RAPGEF1: variants seen among roughly 807,000 people sequenced by gnomAD.
RAPGEF1 encodes CRK SH3-binding GNRP.
In RAPGEF1, 33 loss-of-function variants were observed where a neutral mutation model predicts 143.3. The ratio of observed to expected loss-of-function variants is 0.23; its 90% CI spans 0.17 to 0.31. The LOEUF (loss-of-function observed/expected upper bound fraction) is 0.31. Ranked by LOEUF, RAPGEF1 falls within the 10% of genes least tolerant of loss-of-function variation. RAPGEF1 has a pLI of 1.00. For synonymous variants in RAPGEF1, 629 were observed against 676.5 expected, an observed-to-expected ratio of 0.93 and a Z score of 1.09; for missense variants, 1,199 against 1,645.4, an observed-to-expected ratio of 0.73 and a Z score of 4.69.
intron 1 of RAPGEF1, among the ~76,000 whole-genome samples, chr9:131,657,585 G>A (rs528226933): frequency 4.0e-5 from 6 of 151,178 alleles, no homozygotes; most frequent in East Asian, 1.9e-4. Context: ...CGATGGAGGC[G>A]GCCGGTACCT....
chr9:131,640,712 C>T (rs968084129), intron 4 of RAPGEF1, among the ~76,000 whole-genome samples: 2 of 152,162 alleles, frequency 1.3e-5, no homozygotes, highest in Non-Finnish European at 2.9e-5. Flanking sequence ...TCTCAGGAAC[C>T]GAGGTGAGGG....
chr9:131,685,341 C>A (rs1451103433), intron 1 of RAPGEF1, among the ~76,000 whole-genome samples: 4 of 152,172 alleles, frequency 2.6e-5, no homozygotes, highest in Non-Finnish European at 2.9e-5. Context: ...ATAAACTGGC[C>A]CCAAAACTGG....
At position 131,579,445 on chromosome 9, in the gene RAPGEF1, G is replaced by T; in HGVS notation, c.*52C>A. The T allele has an allele frequency of 6.3e-7, 1 of 1,595,034 alleles. No individual in the cohort carries two copies. The highest frequency in any genetic ancestry group is 1.1e-5 in the South Asian group (1 of 88,784). On this transcript the variant is annotated 3_prime_UTR_variant, in exon 27 of 27. Coordinates refer to ENST00000683357, the MANE Select transcript of RAPGEF1 (RefSeq NM_001377935.1). ...CAGGTCCAAGGTCCTCTCCGGTCTG[G>T]GAGCTGCCCTCTGCGCCCCTCGAGC...
In RAPGEF1 at chr9:131,589,427, C is replaced by T. The variant is rs539734204; in HGVS notation, c.2868-441G>A. Among the ~76,000 whole-genome samples the T allele has an allele frequency of 2.0e-5, 3 of 152,352 alleles. No homozygotes were observed. In the South Asian group the frequency reaches 6.2e-4, roughly 32 times the overall value. ...ACAGCCACTTACCATGGTCATCTCCCCCAGCAGGAGGAAGGCAGTCCGCCT... is the reference window on the plus strand; with the variant it reads ...ACAGCCACTTACCATGGTCATCTCCTCCAGCAGGAGGAAGGCAGTCCGCCT... On this transcript the variant is annotated intron_variant, in intron 19 of 26. Transcript: ENST00000683357.
At chr9:131,693,730 A>T (rs895722702) in intron 1 of RAPGEF1, among the ~76,000 whole-genome samples, 7 of 152,078 alleles carry the variant, frequency 4.6e-5, no homozygotes, top group Non-Finnish European at 7.4e-5. Flanking sequence ...TCTTTTGACA[A>T]TACCTTTCCA....
At chr9:131,624,966 C>A (rs879682747) in intron 10 of RAPGEF1, among the ~76,000 whole-genome samples, 1 of 152,230 alleles carries the variant, frequency 6.6e-6, no homozygotes, top group African/African-American at 2.4e-5. Context: ...GCCCTCAGGG[C>A]GACCCTTGCT....
chr9:131,670,627 T>G (rs1457193257), intron 1 of RAPGEF1, among the ~76,000 whole-genome samples: 1 of 152,316 alleles, frequency 6.6e-6, no homozygotes, highest in East Asian at 1.9e-4. Flanking sequence ...CCGGCTGTGC[T>G]AGCACCTGGG....
At chr9:131,585,615 C>G (rs1220114578) in intron 22 of RAPGEF1, among the ~76,000 whole-genome samples, 1 of 152,224 alleles carries the variant, frequency 6.6e-6, no homozygotes, top group Non-Finnish European at 1.5e-5. Flanking sequence ...TTGGGCAAAA[C>G]CCTACGCTGG....
chr9:131,690,000 C>T (rs150881205), intron 1 of RAPGEF1, among the ~76,000 whole-genome samples: 239 of 152,112 alleles, frequency 1.6e-3, no homozygotes, highest in African/African-American at 5.4e-3. Context: ...TAAATACATG[C>T]GGGCCTTGTG....
intron 1 of RAPGEF1, among the ~76,000 whole-genome samples, chr9:131,664,576 T>C (rs868829780): frequency 1.3e-5 from 2 of 152,290 alleles, no homozygotes; most frequent in South Asian, 4.1e-4. Context: ...AACCCTGGTT[T>C]CTAACATCAT....
chr9:131,611,175 T>G (rs893259274), intron 12 of RAPGEF1, among the ~76,000 whole-genome samples: 1 of 152,254 alleles, frequency 6.6e-6, no homozygotes, highest in African/African-American at 2.4e-5. Flanking sequence ...GATCTGCCAC[T>G]GACCGTTTTG....
At position 131,626,158 on chromosome 9, in the gene RAPGEF1, G is replaced by A; in HGVS notation, c.1466C>T (p.Ser489Phe). ...RSAASQTADG[S>F]GCRVSYERHP... ...CCGCTCGTAGGACACCCTGCAGCCA[G>A]AGCCGTCCGCCGTCTGGGAGGCTGC... Residue 489 changes from serine to phenylalanine, a missense_variant, in exon 10 of 27, where the codon TCT becomes TTT. Ser to Phe is a radical substitution (Grantham distance 155). Around this residue, in one of 6 missense-constraint regions of RAPGEF1, gnomAD observed 613 missense variants for 710.9 expected, o/e 0.86. Transcript: ENST00000683357. 1 of 1,613,988 alleles carries A rather than the reference G, an allele frequency of 6.2e-7. No homozygotes were observed. The highest frequency in any genetic ancestry group is 1.1e-5 in the South Asian group (1 of 91,086).
At chr9:131,612,705 G>A (rs1442342066) in intron 12 of RAPGEF1, among the ~76,000 whole-genome samples, 1 of 152,234 alleles carries the variant, frequency 6.6e-6, no homozygotes, top group Admixed American at 6.5e-5. Flanking sequence ...GTCAAGCTGA[G>A]TGGGATCTAA....
In RAPGEF1 at chr9:131,650,850, G is replaced by A; in HGVS notation, c.161C>T (p.Ala54Val). 6.2e-7 allele frequency: 1 copy of A among 1,614,028 alleles called. No individual in the cohort carries two copies. The highest frequency in any genetic ancestry group is 1.1e-5 in the South Asian group (1 of 91,086). Residue 54 changes from alanine (A) to valine (V), a missense_variant, in exon 2 of 27, where the codon GCT (alanine) becomes GTT (valine). Coordinates refer to ENST00000683357, the MANE Select transcript of RAPGEF1 (RefSeq NM_001377935.1). The surrounding 1 kb of genome is among the most constrained non-coding windows in gnomAD (Gnocchi z 4.7). ...KRTPSKKGKP[A>V]EVSVKIPEKP... Reference sequence around the variant, plus strand: ...CTCTGGAATCTTTACGGACACCTCAGCTGGTTTTCCCTTCTTTGATGGCGT... The same window carrying A: ...CTCTGGAATCTTTACGGACACCTCAACTGGTTTTCCCTTCTTTGATGGCGT...
chr9:131,616,093 C>T (rs534425114), intron 12 of RAPGEF1, among the ~76,000 whole-genome samples: 2 of 152,168 alleles, frequency 1.3e-5, no homozygotes, highest in Admixed American at 1.3e-4. Context: ...GTGGTGAAAC[C>T]CCATCTCTAC....
intron 1 of RAPGEF1, among the ~76,000 whole-genome samples, chr9:131,728,058 T>C (rs1836790591): frequency 6.6e-6 from 1 of 152,062 alleles, no homozygotes; most frequent in South Asian, 2.1e-4. Context: ...CTAGCTGCAC[T>C]GACAAATTTG....
chr9:131,730,193 C>CAAAAAA (rs57402366), intron 1 of RAPGEF1, among the ~76,000 whole-genome samples: 11 of 66,976 alleles, frequency 1.6e-4, no homozygotes, highest in South Asian at 6.1e-4. Context: ...GACTCCCTCT[C>CAAAAAA]AAAAAAAAAA....
Position 131,628,620 on chromosome 9 carries a change from G to T in RAPGEF1, c.946C>A (p.Arg316=), listed in dbSNP as rs775378161. ...CTCATGGGGGCCACCACAGCCACTCGGGTAGGGGACGGCGCCGACTGTCTT... is the reference window on the plus strand; with the variant it reads ...CTCATGGGGGCCACCACAGCCACTCTGGTAGGGGACGGCGCCGACTGTCTT... ...KKRQSAPSPT[R]VAVVAPMSRA... is the part of the protein sequence containing the mutation. The change falls in exon 8 of 27, where the codon CGA becomes AGA. Residue 316 remains arginine (R), a synonymous_variant. Transcript: ENST00000683357. The surrounding 1 kb of genome is among the most constrained non-coding windows in gnomAD (Gnocchi z 5.7). 12 of 1,613,048 alleles carry T rather than the reference G, an allele frequency of 7.4e-6. No individual in the cohort carries two copies. Among genetic ancestry groups the T allele is most frequent in the Non-Finnish European group, 1.0e-5 (12 of 1,179,236 alleles).
At chr9:131,669,034 A>G (rs1830912351) in intron 1 of RAPGEF1, among the ~76,000 whole-genome samples, 1 of 152,236 alleles carries the variant, frequency 6.6e-6, no homozygotes, top group South Asian at 2.1e-4. Context: ...TCTCCAGTGC[A>G]GTGCCACCAG....
Sources: allele counts gnomAD v4.1 joint callset (sites outside exome capture counted in the v4.1 genomes callset), GRCh38; gene constraint gnomAD v4.1.1; regional missense constraint gnomAD v4.1.1; non-coding constraint Gnocchi (gnomAD v3.1); transcripts MANE v1.5; gene names NCBI Gene and HGNC (gene_info 2026-07-23, HGNC 2026-07-21).